Variants in SLC24A4 observed in about 807,000 individuals in gnomAD.
SLC24A4 encodes the protein solute carrier family 24 member 4, also known as sodium/potassium/calcium exchanger 4.
A neutral mutation model predicts 79.0 loss-of-function variants in SLC24A4; 53 were observed. The ratio of observed to expected loss-of-function variants is 0.67; its 90% confidence interval spans 0.54 to 0.84. SLC24A4 has a LOEUF of 0.84. Among genes scored for constraint, SLC24A4 ranks in the 40% least tolerant of loss-of-function variants. SLC24A4 has a pLI of 0.00. For synonymous variants in SLC24A4, 323 were observed against 323.8 expected, an observed-to-expected ratio of 1.00 and a Z score of 0.03; for missense variants, 731 against 822.0, an observed-to-expected ratio of 0.89 and a Z score of 1.35.
At chr14:92,422,244 A>C (rs1316464170) in intron 2 of SLC24A4, among the ~76,000 whole-genome samples, 1 of 152,164 alleles carries the variant, frequency 6.6e-6, no homozygotes, top group African/African-American at 2.4e-5. Flanking sequence ...CAACTCCATA[A>C]CCATTATCCT....
chr14:92,491,538 A>G, intron 14 of SLC24A4, 127 bp from the exon 15 acceptor site: 2 of 674,704 alleles, frequency 3.0e-6, no homozygotes, highest in Non-Finnish European at 5.3e-6. Flanking sequence ...GAAAAGGTTT[A>G]GAAATGTAAG....
intron 2 of SLC24A4, among the ~76,000 whole-genome samples, chr14:92,404,685 C>A (rs1484247599): frequency 6.6e-6 from 1 of 152,180 alleles, no homozygotes; most frequent in Non-Finnish European, 1.5e-5. Context: ...AAGCATGCAT[C>A]CCTTCACTCC....
rs1411715661 is a variant in SLC24A4 at position 92,490,904 on chromosome 14, C to A, written c.1538-761C>A. On this transcript the variant is annotated intron_variant, in intron 14 of 16. Coordinates refer to ENST00000532405, the MANE Select transcript of SLC24A4 (RefSeq NM_153646.4). This position sits in a 1 kb window ranked among gnomAD's most constrained non-coding sequence, Gnocchi z 4.3. ...AGCCTGAAGGAGAGTCTGTCCCAGG[C>A]CCCTCTTGCCTCTCTGCCCTTGGCT... is the stretch of plus-strand genomic sequence containing the variant. 6.6e-6 allele frequency among the ~76,000 whole-genome samples: 1 copy of A among 152,226 alleles called. No individual in the cohort carries two copies. The highest frequency in any genetic ancestry group is 2.4e-5 in the African/African-American group (1 of 41,458).
chr14:92,356,678 T>TA (rs1887199100), intron 2 of SLC24A4, among the ~76,000 whole-genome samples: 1 of 152,224 alleles, frequency 6.6e-6, no homozygotes, highest in Admixed American at 6.5e-5. Context: ...ACGTGCTCGA[T>TA]ACATTGGCAT....
At chr14:92,366,072 A>T (rs1887819531) in intron 2 of SLC24A4, among the ~76,000 whole-genome samples, 1 of 152,184 alleles carries the variant, frequency 6.6e-6, no homozygotes, top group Non-Finnish European at 1.5e-5. Context: ...GCACCATTAT[A>T]TTTCCATTTT....
At chr14:92,376,263 T>G (rs977233686) in intron 2 of SLC24A4, among the ~76,000 whole-genome samples, 2 of 152,112 alleles carry the variant, frequency 1.3e-5, no homozygotes, top group African/African-American at 4.8e-5. Flanking sequence ...CCTCACAGGG[T>G]TGGTGAGGAG....
intron 2 of SLC24A4, among the ~76,000 whole-genome samples, chr14:92,347,074 G>C (rs946992392): frequency 1.3e-5 from 2 of 151,334 alleles, no homozygotes; most frequent in African/African-American, 2.4e-5. Context: ...CTAAAAAAGT[G>C]TCATAAAACA....
Position 92,387,742 on chromosome 14 carries a change from C to T in SLC24A4, c.242-46170C>T, listed in dbSNP as rs114757843. Among the ~76,000 whole-genome samples, 848 of 152,302 alleles carry T rather than the reference C, an allele frequency of 5.6e-3. 11 individuals are homozygous for T. Among genetic ancestry groups the T allele is most frequent in the African/African-American group, 0.02 (811 of 41,548 alleles). ...TTCCTCAATCCAGCCCCTGGCAATC[C>T]CCAGTCTGCTTTCTGTCTCTAAGAA... On this transcript the variant is annotated intron_variant, in intron 2 of 16. Coordinates refer to ENST00000532405, the MANE Select transcript of SLC24A4 (RefSeq NM_153646.4).
At chr14:92,368,099 G>A (rs1887953096) in intron 2 of SLC24A4, among the ~76,000 whole-genome samples, 1 of 152,154 alleles carries the variant, frequency 6.6e-6, no homozygotes, top group Non-Finnish European at 1.5e-5. Flanking sequence ...AAAAATGTTG[G>A]AGTGAGATTC....
At chr14:92,453,387 AG>A (rs1398384785) in intron 10 of SLC24A4, 1 of 152,636 alleles carries the variant, frequency 6.6e-6, no homozygotes, top group Non-Finnish European at 1.5e-5. Flanking sequence ...CAGACAGAGC[AG>A]GTGGCCTCGT....
intron 2 of SLC24A4, among the ~76,000 whole-genome samples, chr14:92,351,236 G>GCGCGCACACACACACACACA (rs112120101): frequency 1.8e-3 from 270 of 147,056 alleles, no homozygotes; most frequent in Admixed American, 3.3e-3. Context: ...ACACATACAC[G>GCGCGCACACACACACACACA]CACACACACA....
intron 1 of SLC24A4, among the ~76,000 whole-genome samples, chr14:92,324,591 CA>C (rs1202076668): frequency 6.6e-6 from 1 of 152,192 alleles, no homozygotes; most frequent in Non-Finnish European, 1.5e-5. Context: ...TTAGGCTATG[CA>C]AATTTCAGGT....
chr14:92,402,663 G>A (rs1481364908), intron 2 of SLC24A4, among the ~76,000 whole-genome samples: 1 of 151,934 alleles, frequency 6.6e-6, no homozygotes, highest in Non-Finnish European at 1.5e-5. Context: ...CATGGCAGAA[G>A]ACAAGGAGGA....
chr14:92,491,553 T>C, intron 14 of SLC24A4, 112 bp from the exon 15 acceptor site: 2 of 754,052 alleles, frequency 2.7e-6, no homozygotes, highest in Non-Finnish European at 4.7e-6. Context: ...TGTAAGGTCC[T>C]TGCAGAAGGA....
intron 1 of SLC24A4, among the ~76,000 whole-genome samples, chr14:92,325,508 C>T (rs946555399): frequency 2.0e-5 from 3 of 152,212 alleles, no homozygotes; most frequent in East Asian, 1.9e-4. Flanking sequence ...GCTATTCATT[C>T]GTGAAGTTCC....
At chr14:92,433,204 C>T (rs907847733) in intron 2 of SLC24A4, among the ~76,000 whole-genome samples, 6 of 152,038 alleles carry the variant, frequency 3.9e-5, no homozygotes, top group Admixed American at 2.0e-4. Context: ...GGAATTCATT[C>T]GTGTATACCT....
chr14:92,324,049 T>G, intron 1 of SLC24A4, 89 bp downstream of exon 1: 1 of 1,504,808 alleles, frequency 6.6e-7, no homozygotes, highest in Non-Finnish European at 8.9e-7. Context: ...TTTCCCCTCC[T>G]TCCTCATCAG....
At chr14:92,466,407 C>G (rs938077538) in intron 12 of SLC24A4, among the ~76,000 whole-genome samples, 8 of 152,276 alleles carry the variant, frequency 5.3e-5, no homozygotes, top group African/African-American at 1.7e-4. Flanking sequence ...TACAGAGAGG[C>G]TAAATGCTTT....
intron 2 of SLC24A4, among the ~76,000 whole-genome samples, chr14:92,393,426 C>G (rs1390885234): frequency 1.3e-5 from 2 of 152,126 alleles, no homozygotes; most frequent in Non-Finnish European, 2.9e-5. Context: ...CCAGCTGTCT[C>G]CCGCAGCATG....
Sources: allele counts gnomAD v4.1 joint callset (sites outside exome capture counted in the v4.1 genomes callset), GRCh38; gene constraint gnomAD v4.1.1; non-coding constraint Gnocchi (gnomAD v3.1); transcripts MANE v1.5; gene names NCBI Gene and HGNC (gene_info 2026-07-23, HGNC 2026-07-21).